Variants in DLGAP1 observed in about 807,000 individuals in gnomAD.
DLGAP1 encodes disks large-associated protein 1.
Under a neutral mutation model 90.8 loss-of-function variants are expected in DLGAP1, and 11 were observed. That is an observed-to-expected ratio of 0.12 (90% CI 0.08 to 0.20). The LOEUF is 0.20. Ranked by LOEUF, DLGAP1 falls within the 10% of genes least tolerant of loss-of-function variation. DLGAP1 has a pLI of 1.00. For missense variants in DLGAP1, 1,050 were observed against 1,333.8 expected (o/e 0.79, Z 3.31); for synonymous variants, 558 against 540.7 (o/e 1.03, Z -0.44).
In DLGAP1 at chr18:3,534,396, C is replaced by G; in HGVS notation, c.2277G>C (p.Thr759=). Residue 759 remains threonine (T), a synonymous_variant, in exon 10 of 13, where the codon ACG becomes ACC. Coordinates refer to ENST00000315677, the MANE Select transcript of DLGAP1 (RefSeq NM_004746.4). ...GAGGCAGAATAGAGGGGTCAAAATC[C>G]GTGTCAAAGTCATCATCGGCGGCAC... ...HACAADDDFD[T]DFDPSILPPP... The G allele has an allele frequency of 6.2e-7, 1 of 1,614,124 alleles. No homozygotes were observed. Among genetic ancestry groups the G allele is most frequent in the Non-Finnish European group, 8.5e-7 (1 of 1,180,022 alleles).
At chr18:4,285,074 T>A (rs1398684545) in intron 1 of DLGAP1, among the ~76,000 whole-genome samples, 4 of 105,716 alleles carry the variant, frequency 3.8e-5, no homozygotes, top group Non-Finnish European at 8.7e-5. Flanking sequence ...TAATTTCTAC[T>A]TTTTGTAAAG....
At chr18:3,840,433 A>C (rs1490750441) in intron 4 of DLGAP1, among the ~76,000 whole-genome samples, 3 of 152,178 alleles carry the variant, frequency 2.0e-5, no homozygotes, top group Admixed American at 6.5e-5. Flanking sequence ...CACAACCAAG[A>C]GCAAAGCATC....
chr18:4,199,509 G>T (rs754971886), intron 1 of DLGAP1, among the ~76,000 whole-genome samples: 1 of 152,122 alleles, frequency 6.6e-6, no homozygotes, highest in Admixed American at 6.6e-5. Flanking sequence ...GAATAATCCT[G>T]GTCATGCCAA....
At chr18:3,683,712 C>A (rs940020946) in intron 7 of DLGAP1, among the ~76,000 whole-genome samples, 7 of 152,150 alleles carry the variant, frequency 4.6e-5, no homozygotes, top group Admixed American at 1.3e-4. Context: ...AGTATTAAAT[C>A]ATCTCAGAAC....
chr18:4,197,992 C>A (rs968297502), intron 1 of DLGAP1, among the ~76,000 whole-genome samples: 1 of 152,038 alleles, frequency 6.6e-6, no homozygotes, highest in African/African-American at 2.4e-5. Flanking sequence ...GAGGCTGAGG[C>A]GGGCGGATCA....
intron 5 of DLGAP1, among the ~76,000 whole-genome samples, chr18:3,746,619 CCAA>C (rs1303770247): frequency 2.0e-5 from 3 of 151,810 alleles, no homozygotes; most frequent in African/African-American, 7.3e-5. Context: ...AATAATGAAA[CCAA>C]CACAATAAAA....
chr18:3,912,191 A>G (rs1047234699), intron 3 of DLGAP1, among the ~76,000 whole-genome samples: 2 of 152,270 alleles, frequency 1.3e-5, no homozygotes, highest in Non-Finnish European at 2.9e-5. Flanking sequence ...ATAAACCAAA[A>G]TAAGATTTCT....
intron 1 of DLGAP1, among the ~76,000 whole-genome samples, chr18:4,312,010 C>A (rs1377986407): frequency 6.6e-6 from 1 of 152,166 alleles, no homozygotes; most frequent in Non-Finnish European, 1.5e-5. Flanking sequence ...GCCACCATGC[C>A]TGGCTAATTT....
At chr18:4,348,675 G>A (rs1032007039) in intron 1 of DLGAP1, among the ~76,000 whole-genome samples, 6 of 152,096 alleles carry the variant, frequency 3.9e-5, no homozygotes, top group Non-Finnish European at 5.9e-5. Flanking sequence ...GGAGCAAGAT[G>A]AGCCCGCAAG....
chr18:4,178,977 A>G (rs1353074801), intron 1 of DLGAP1, among the ~76,000 whole-genome samples: 1 of 152,166 alleles, frequency 6.6e-6, no homozygotes, highest in African/African-American at 2.4e-5. Flanking sequence ...CACCCATTGC[A>G]AGGAAAATTA....
chr18:4,170,192 G>C (rs1983401), intron 1 of DLGAP1, among the ~76,000 whole-genome samples: 14,090 of 152,156 alleles, frequency 0.093, 831 homozygotes, highest in East Asian at 0.27. Context: ...TCAATGCCAA[G>C]TCAACAGGAT....
intron 1 of DLGAP1, among the ~76,000 whole-genome samples, chr18:4,292,026 GC>G: frequency 6.6e-6 from 1 of 152,200 alleles, no homozygotes. Context: ...ATCAGTAGAT[GC>G]CCAATAACTA....
rs371147014 is a variant in DLGAP1 at position 4,028,219 on chromosome 18, T to G, written c.-158-23018A>C. Among the ~76,000 whole-genome samples, 95 of 152,304 alleles carry G rather than the reference T, an allele frequency of 6.2e-4. 1 individual carries two copies. In the South Asian group the frequency reaches 0.019, roughly 31 times the overall value. On this transcript the variant is annotated intron_variant, in intron 2 of 12. Coordinates refer to ENST00000315677, the MANE Select transcript of DLGAP1 (RefSeq NM_004746.4). ...ACATAGGTTACCCAAAATATGTAAATATATAGGGAACTGTCTCTCTGTATT... is the reference window on the plus strand; with the variant it reads ...ACATAGGTTACCCAAAATATGTAAAGATATAGGGAACTGTCTCTCTGTATT...
chr18:4,328,657 T>C (rs1398772239), intron 1 of DLGAP1, among the ~76,000 whole-genome samples: 1 of 151,974 alleles, frequency 6.6e-6, no homozygotes, highest in African/African-American at 2.4e-5. Context: ...TGTGCATTTC[T>C]ACCAGTAATG....
At chr18:4,406,296 G>C (rs2082663768) in intron 1 of DLGAP1, among the ~76,000 whole-genome samples, 1 of 152,202 alleles carries the variant, frequency 6.6e-6, no homozygotes, top group Non-Finnish European at 1.5e-5. Flanking sequence ...TGCAAAGGCA[G>C]TAACCCCTGG....
intron 7 of DLGAP1, among the ~76,000 whole-genome samples, chr18:3,718,930 A>C (rs1160254346): frequency 3.3e-5 from 5 of 150,598 alleles, no homozygotes. Flanking sequence ...TTGTCTGAAA[A>C]AAAAAAAAAA....
At chr18:3,612,201 A>C (rs534847739) in intron 7 of DLGAP1, among the ~76,000 whole-genome samples, 1 of 152,224 alleles carries the variant, frequency 6.6e-6, no homozygotes, top group African/African-American at 2.4e-5. Flanking sequence ...AAATATTAAA[A>C]ATAATGTAAG....
chr18:4,366,220 C>G (rs951591364), intron 1 of DLGAP1, among the ~76,000 whole-genome samples: 2 of 152,008 alleles, frequency 1.3e-5, no homozygotes, highest in Non-Finnish European at 2.9e-5. Flanking sequence ...GTCCTAAATA[C>G]TGAATAATCT....
At chr18:3,524,950 G>A (rs1599057441) in intron 10 of DLGAP1, among the ~76,000 whole-genome samples, 1 of 152,174 alleles carries the variant, frequency 6.6e-6, no homozygotes, top group East Asian at 1.9e-4. Flanking sequence ...ACTGGCAGTT[G>A]CTGATCTGCA....
Sources: gnomAD v4.1 joint callset for allele counts (sites outside exome capture counted in the v4.1 genomes callset) on GRCh38, gnomAD v4.1.1 for gene constraint, MANE v1.5 for transcripts, NCBI Gene and HGNC (gene_info 2026-07-23, HGNC 2026-07-21) for gene names.